SPATA4: variants seen among roughly 807,000 people sequenced by gnomAD.
SPATA4 encodes the protein spermatogenesis associated 4, also known as spermatogenesis-associated protein 4.
Under a neutral mutation model 31.8 loss-of-function variants are expected in SPATA4, and 35 were observed. The ratio of observed to expected loss-of-function variants is 1.10; its 90% CI spans 0.84 to 1.46. The LOEUF (loss-of-function observed/expected upper bound fraction) is 1.46. SPATA4 is among the 40% of genes most tolerant of loss of function. The pLI, the probability that SPATA4 is intolerant of heterozygous loss-of-function variation, is 0.00. For missense variants in SPATA4, 394 were observed against 363.1 expected, an observed-to-expected ratio of 1.09 and a Z score of -0.69; for synonymous variants, 126 against 132.4, an observed-to-expected ratio of 0.95 and a Z score of 0.33.
At chr4:176,186,419 C>T (rs934792196) in intron 5 of SPATA4, among the ~76,000 whole-genome samples, 1 of 152,212 alleles carries the variant, frequency 6.6e-6, no homozygotes, top group South Asian at 2.1e-4. Context: ...CCTATGCTCA[C>T]CCTACCACTG....
At chr4:176,189,460 A>G (rs1485715893) in intron 4 of SPATA4, among the ~76,000 whole-genome samples, 1 of 92,868 alleles carries the variant, frequency 1.1e-5, no homozygotes, top group Admixed American at 1.6e-4. Flanking sequence ...AGAAAAAGAG[A>G]AAAAAAAAAC....
chr4:176,194,722 A>ATTTTTTTT (rs56999786), intron 1 of SPATA4: 1 of 100,318 alleles, frequency 1.0e-5, no homozygotes, highest in Non-Finnish European at 2.0e-5. Flanking sequence ...CCTTACCAGT[A>ATTTTTTTT]TTTTTTTTTT....
At chr4:176,185,638 T>A (rs1376506993) in intron 5 of SPATA4, among the ~76,000 whole-genome samples, 2 of 152,134 alleles carry the variant, frequency 1.3e-5, no homozygotes, top group African/African-American at 4.8e-5. Context: ...ACCTGAACTA[T>A]TTACTCTACT....
In SPATA4 at chr4:176,195,391, A is replaced by G. The variant is rs1752600726; in HGVS notation, c.172T>C (p.Trp58Arg). The change falls in exon 1 of 6, where the codon TGG becomes CGG. Residue 58 changes from tryptophan (W) to arginine (R), a missense_variant. Coordinates refer to ENST00000280191, the MANE Select transcript of SPATA4 (RefSeq NM_144644.4). ...AAGCTGAGATCCAGACCCTGAAGCC[A>G]ACGCAGAACGGAACGAGACAAGCGG... ...SSRLSRSVLR[W>R]LQGLDLSFFP... 6.2e-7 allele frequency: 1 copy of G among 1,614,248 alleles called. No individual in the cohort carries two copies.
chr4:176,188,706 T>C (rs1752481981), intron 4 of SPATA4, among the ~76,000 whole-genome samples: 1 of 152,250 alleles, frequency 6.6e-6, no homozygotes, highest in Non-Finnish European at 1.5e-5. Flanking sequence ...GATAAAATCA[T>C]ACAGTATCTT....
rs771103532 is a variant in SPATA4 at position 176,193,581 on chromosome 4, C to A, written c.220G>T (p.Asp74Tyr). 2.3e-5 allele frequency: 37 copies of A among 1,604,254 alleles called. No individual in the cohort carries two copies. Among genetic ancestry groups the A allele is most frequent in the Non-Finnish European group, 2.9e-5 (34 of 1,177,664 alleles). Residue 74 changes from aspartate to tyrosine, a missense_variant and splice_region_variant, in exon 2 of 6, where the codon GAT becomes TAT. Asp to Tyr is a radical substitution (Grantham distance 160, BLOSUM62 -3). Coordinates refer to ENST00000280191, the MANE Select transcript of SPATA4 (RefSeq NM_144644.4). ...GCAATTAGGAAGCCATTTGAAAAAT[C>A]TCTGATCCGTGGCAATTAGGAAATG... ...LSFFPRNINR[D>Y]FSNGFLIAEI...
chr4:176,192,543 C>A (rs1752546465), intron 4 of SPATA4, 84 bp downstream of exon 4: 2 of 1,106,286 alleles, frequency 1.8e-6, no homozygotes, highest in African/African-American at 1.6e-5. Context: ...GCAAAATGGG[C>A]CAGTGCCGAC....
chr4:176,193,388 A>G, intron 2 of SPATA4, 65 bp downstream of exon 2: 2 of 1,568,040 alleles, frequency 1.3e-6, no homozygotes, highest in South Asian at 1.2e-5. Flanking sequence ...GATCCAGGAA[A>G]TTAGCATGGC....
In SPATA4 at chr4:176,192,662, A is replaced by G. The variant is rs1371132307; in HGVS notation, c.653T>C (p.Met218Thr). 1.1e-5 allele frequency: 17 copies of G among 1,613,958 alleles called. No homozygotes were observed. Among genetic ancestry groups the G allele is most frequent in the Non-Finnish European group, 1.4e-5 (16 of 1,179,992 alleles). Reference protein sequence around the residue: ...LKAEFLILLHMLQRKLGRKLN... With the variant: ...LKAEFLILLHTLQRKLGRKLN... ...TTTTCTGCCTAATTTTCTTTGCAAC[A>G]TATGTAAAAGGATGAGGAACTCCGC... is the stretch of plus-strand genomic sequence containing the variant. Residue 218 changes from methionine to threonine, a missense_variant, in exon 4 of 6, where the codon ATG (methionine) becomes ACG (threonine). Met to Thr is a moderately conservative substitution (Grantham distance 81, BLOSUM62 -1). Transcript: ENST00000280191.
At chr4:176,185,333 G>A (rs1162874125) in intron 5 of SPATA4, among the ~76,000 whole-genome samples, 1 of 152,002 alleles carries the variant, frequency 6.6e-6, no homozygotes, top group Non-Finnish European at 1.5e-5. Flanking sequence ...CTAATGGGAG[G>A]GGCCAGTGGC....
In SPATA4 at chr4:176,193,771, T is replaced by C. The variant is rs897746823; in HGVS notation, c.219-189A>G. On this transcript the variant is annotated intron_variant, in intron 1 of 5. Coordinates refer to ENST00000280191, the MANE Select transcript of SPATA4 (RefSeq NM_144644.4). The stretch of plus-strand genomic sequence containing the variant: ...ATTATCTACGTTTCAAAGGCTTTGG[T>C]GTTCTTTTGATGAACCCAAACTGTT... 3.1e-5 allele frequency: 16 copies of C among 513,590 alleles called. No homozygotes were observed. In the African/African-American group the frequency reaches 3.2e-4, roughly 10 times the overall value. The allele number at this position is 513,590 out of a possible 1,614,324, so 31.8% of individuals were successfully genotyped here.
At chr4:176,185,428 A>C (rs1752425832) in intron 5 of SPATA4, among the ~76,000 whole-genome samples, 2 of 152,326 alleles carry the variant, frequency 1.3e-5, no homozygotes, top group South Asian at 4.1e-4. Context: ...TGAGTGTTAT[A>C]AAAAGAAAAA....
At chr4:176,192,170 T>A (rs1385809000) in intron 4 of SPATA4, among the ~76,000 whole-genome samples, 1 of 152,192 alleles carries the variant, frequency 6.6e-6, no homozygotes, top group Non-Finnish European at 1.5e-5. Flanking sequence ...TCTGGAAAGT[T>A]GCCATGATTG....
At chr4:176,188,590 A>G (rs1389107239) in intron 4 of SPATA4, among the ~76,000 whole-genome samples, 1 of 152,224 alleles carries the variant, frequency 6.6e-6, no homozygotes. Context: ...ATGATGTGTT[A>G]CCAGTACCCC....
chr4:176,187,923 G>A (rs1203620212), intron 5 of SPATA4, among the ~76,000 whole-genome samples, 196 bp downstream of exon 5: 2 of 152,190 alleles, frequency 1.3e-5, no homozygotes, highest in Non-Finnish European at 2.9e-5. Context: ...AGCAGGCTGG[G>A]GAGGGGGCAG....
intron 1 of SPATA4, 136 bp from the exon 2 acceptor site, chr4:176,193,718 G>A: frequency 1.1e-6 from 1 of 921,682 alleles, no homozygotes; most frequent in Non-Finnish European, 1.5e-6. Context: ...GTTGCTCTAA[G>A]GAGAACCTAC....
intron 5 of SPATA4, 141 bp downstream of exon 5, chr4:176,187,978 G>A: frequency 1.5e-6 from 1 of 659,530 alleles, no homozygotes; most frequent in Non-Finnish European, 2.7e-6. Flanking sequence ...ATAAAGAACT[G>A]CATACCAGTG....
chr4:176,192,032 A>C (rs1752540035), intron 4 of SPATA4, among the ~76,000 whole-genome samples: 1 of 152,222 alleles, frequency 6.6e-6, no homozygotes, highest in Non-Finnish European at 1.5e-5. Flanking sequence ...TCCTGAGTAA[A>C]CTGCCAGAAA....
At chr4:176,187,227 G>A (rs1752457521) in intron 5 of SPATA4, among the ~76,000 whole-genome samples, 1 of 152,138 alleles carries the variant, frequency 6.6e-6, no homozygotes. Context: ...CCGTAAGCAA[G>A]GCATAAAATG....
Sources: allele counts gnomAD v4.1 joint callset (sites outside exome capture counted in the v4.1 genomes callset), GRCh38; gene constraint gnomAD v4.1.1; transcripts MANE v1.5; gene names NCBI Gene and HGNC (gene_info 2026-07-23, HGNC 2026-07-21).